Variants in PTPN21 observed in about 807,000 individuals in gnomAD.
PTPN21 encodes the protein protein tyrosine phosphatase non-receptor type 21, also known as tyrosine-protein phosphatase non-receptor type 21.
Under a neutral mutation model 131.8 loss-of-function variants are expected in PTPN21, and 77 were observed. The observed-to-expected ratio is 0.58, with a 90% CI of 0.49 to 0.71. PTPN21 has a LOEUF of 0.71. Among genes scored for constraint, PTPN21 ranks in the 30% least tolerant of loss-of-function variants. The pLI, the probability that PTPN21 is intolerant of heterozygous loss-of-function variation, is 0.00. For missense variants in PTPN21, 1,552 were observed against 1,527.1 expected, an observed-to-expected ratio of 1.02 and a Z score of -0.27; for synonymous variants, 715 against 621.3, an observed-to-expected ratio of 1.15 and a Z score of -2.24.
intron 2 of PTPN21, among the ~76,000 whole-genome samples, chr14:88,535,842 C>T (rs763441165): frequency 1.6e-4 from 24 of 152,192 alleles, no homozygotes; most frequent in African/African-American, 5.8e-4. Flanking sequence ...AGGATATCTT[C>T]CCAGAAGCAC....
intron 2 of PTPN21, among the ~76,000 whole-genome samples, chr14:88,521,829 A>C (rs1025466325): frequency 2.0e-5 from 3 of 152,148 alleles, no homozygotes; most frequent in Admixed American, 6.5e-5. Context: ...CAGAATTATA[A>C]AATTTCTGGT....
At chr14:88,548,644 C>G (rs2078817062) in intron 2 of PTPN21, among the ~76,000 whole-genome samples, 1 of 152,114 alleles carries the variant, frequency 6.6e-6, no homozygotes, top group Non-Finnish European at 1.5e-5. Context: ...ACTGAGTGAT[C>G]ATATAAGTGA....
chr14:88,510,111 G>C (rs1418610134), intron 3 of PTPN21, among the ~76,000 whole-genome samples: 1 of 152,116 alleles, frequency 6.6e-6, no homozygotes, highest in Non-Finnish European at 1.5e-5. Context: ...AAATATTTTT[G>C]CCTTACATTA....
chr14:88,522,421 C>T (rs369134382), intron 2 of PTPN21, among the ~76,000 whole-genome samples: 2 of 112,126 alleles, frequency 1.8e-5, no homozygotes, highest in African/African-American at 3.5e-5. Context: ...CAGAGCAAGA[C>T]TGTCTCAAAA....
intron 13 of PTPN21, among the ~76,000 whole-genome samples, chr14:88,477,892 A>G (rs938181487): frequency 6.6e-6 from 1 of 152,228 alleles, no homozygotes; most frequent in Non-Finnish European, 1.5e-5. Context: ...TAAAAGTTTC[A>G]GTGAAAGACT....
At chr14:88,488,980 G>A (rs1319578988) in intron 10 of PTPN21, among the ~76,000 whole-genome samples, 1 of 152,158 alleles carries the variant, frequency 6.6e-6, no homozygotes, top group Admixed American at 6.5e-5. Context: ...TACAGATAAG[G>A]AAAGTGATAC....
At chr14:88,534,589 G>C (rs900066774) in intron 2 of PTPN21, among the ~76,000 whole-genome samples, 1 of 151,946 alleles carries the variant, frequency 6.6e-6, no homozygotes, top group African/African-American at 2.4e-5. Flanking sequence ...ATTTATTATC[G>C]AAGGCCAGGT....
chr14:88,503,053 C>CTTT (rs576430469), intron 6 of PTPN21, among the ~76,000 whole-genome samples: 1,981 of 141,098 alleles, frequency 0.014, 50 homozygotes, highest in African/African-American at 0.049. Flanking sequence ...AAATCTTTTT[C>CTTT]TTTTTTTTTT....
chr14:88,533,515 G>A (rs771594562), intron 2 of PTPN21, among the ~76,000 whole-genome samples: 6 of 152,148 alleles, frequency 3.9e-5, no homozygotes, highest in South Asian at 2.1e-4. Context: ...AACACTGGAC[G>A]ATAATAAATG....
At chr14:88,484,204 C>T (rs60893504) in intron 12 of PTPN21, among the ~76,000 whole-genome samples, 15,001 of 146,906 alleles carry the variant, frequency 0.1, 919 homozygotes, top group South Asian at 0.18. Flanking sequence ...CATACCACTA[C>T]GCCCAGCTAT....
Position 88,479,625 on chromosome 14 carries a change from C to T in PTPN21, c.1806G>A (p.Ser602=), listed in dbSNP as rs142741285. Residue 602 remains serine, a synonymous_variant, in exon 13 of 19, where the codon TCG becomes TCA. Coordinates refer to ENST00000556564, the MANE Select transcript of PTPN21 (RefSeq NM_007039.4). ...PDLITRRVHH[S]VQTFQEDSLP... ...GGCTGTCCTCCTGGAACGTTTGCACCGAGTGGTGCACGCGCCGCGTGATGA... is the reference window on the plus strand; with the variant it reads ...GGCTGTCCTCCTGGAACGTTTGCACTGAGTGGTGCACGCGCCGCGTGATGA... The T allele has an allele frequency of 1.9e-6, 3 of 1,570,144 alleles. No individual in the cohort carries two copies. The highest frequency in any genetic ancestry group is 2.3e-5 in the East Asian group (1 of 44,146).
chr14:88,530,526 G>T (rs567354015), intron 2 of PTPN21, among the ~76,000 whole-genome samples: 3 of 136,628 alleles, frequency 2.2e-5, no homozygotes, highest in East Asian at 3.9e-4. Context: ...CCAAGTATCT[G>T]CTGTGTTCAA....
At chr14:88,532,965 T>C (rs2004329) in intron 2 of PTPN21, among the ~76,000 whole-genome samples, 39,243 of 152,082 alleles carry the variant, frequency 0.26, 5,119 homozygotes, top group East Asian at 0.33. Context: ...AATTTATAAA[T>C]TGTTTCCAAA....
intron 2 of PTPN21, among the ~76,000 whole-genome samples, chr14:88,518,080 T>C (rs1432457123): frequency 2.0e-5 from 3 of 146,804 alleles, no homozygotes; most frequent in Non-Finnish European, 4.5e-5. Context: ...GTAAATGATA[T>C]GCAAGAGCAA....
In PTPN21 at chr14:88,550,395, T is replaced by C; in HGVS notation, c.23A>G (p.Lys8Arg). 1 of 1,613,944 alleles carries C rather than the reference T, an allele frequency of 6.2e-7. No individual in the cohort carries two copies. Among genetic ancestry groups the C allele is most frequent in the Non-Finnish European group, 8.5e-7 (1 of 1,179,950 alleles). The change falls in exon 2 of 19, where the codon AAA becomes AGA. Residue 8 changes from lysine (K) to arginine (R), a missense_variant. Physicochemically the swap from Lys to Arg is conservative, Grantham distance 26. Transcript: ENST00000556564. ...CGTGTAGCGCCGGGTGCGTTTCAGT[T>C]TCAACCCAAATGGCAGTGGCATCTT... is the stretch of plus-strand genomic sequence containing the variant. Reference protein sequence around the residue: MPLPFGLKLKRTRRYTVS... With the variant: MPLPFGLRLKRTRRYTVS...
intron 12 of PTPN21, among the ~76,000 whole-genome samples, chr14:88,481,275 G>A (rs560241415): frequency 4.1e-4 from 62 of 152,280 alleles, no homozygotes; most frequent in African/African-American, 1.4e-3. Flanking sequence ...TATTCTGGTG[G>A]CACATGCAGC....
rs1363473022 is a variant in PTPN21, at chr14:88,470,066, G to T, written c.2872-16C>A. 19 of 1,609,734 alleles carry T rather than the reference G, an allele frequency of 1.2e-5. No homozygotes were observed. Among genetic ancestry groups the T allele is most frequent in the African/African-American group, 1.3e-5 (1 of 74,910 alleles). On this transcript the variant is annotated splice_polypyrimidine_tract_variant and intron_variant, in intron 15 of 18. Transcript: ENST00000556564. The stretch of plus-strand genomic sequence containing the variant: ...TGACAGAGACCTGGGATTAGAAAAG[G>T]TTAAAAAAATTGATGTGTGGGTATA...
chr14:88,537,013 GC>G (rs2078641344), intron 2 of PTPN21, among the ~76,000 whole-genome samples: 1 of 152,088 alleles, frequency 6.6e-6, no homozygotes, highest in Non-Finnish European at 1.5e-5. Context: ...CTCAAAGCAG[GC>G]AGCATTTTTT....
intron 2 of PTPN21, 26 bp from the exon 3 acceptor site, chr14:88,517,287 G>A (rs761514975): frequency 1.9e-6 from 3 of 1,609,290 alleles, no homozygotes; most frequent in South Asian, 2.2e-5. Flanking sequence ...GTCATTGAAG[G>A]AGGCAATAAC....
Sources: allele counts gnomAD v4.1 joint callset (sites outside exome capture counted in the v4.1 genomes callset), GRCh38; gene constraint gnomAD v4.1.1; transcripts MANE v1.5; gene names NCBI Gene and HGNC (gene_info 2026-07-23, HGNC 2026-07-21).